SDK1: variants seen among roughly 807,000 people sequenced by gnomAD.
SDK1 encodes the protein sidekick cell adhesion molecule 1.
SDK1 carries 157 observed loss-of-function variants against 245.5 expected under a neutral mutation model. The observed-to-expected ratio is 0.64, with a 90% CI of 0.56 to 0.73. The LOEUF is 0.73. Ranked by LOEUF, SDK1 falls within the 30% of genes least tolerant of loss-of-function variation. The pLI is 0.00. For synonymous variants in SDK1, 1,647 were observed against 1,278.5 expected (o/e 1.29, Z -6.15); for missense variants, 3,583 against 3,002.3 (o/e 1.19, Z -4.52).
chr7:4,079,525 C>A lies in SDK1; in HGVS notation c.3265C>A (p.Gln1089Lys). 3 of 1,614,252 alleles carry A rather than the reference C, an allele frequency of 1.9e-6. No homozygotes were observed. The South Asian group carries it at 3.3e-5, about 18-fold the overall frequency. The part of the protein sequence containing the change: ...SNISPRSATL[Q>K]FRPGYDGKTS... ...CATCAGCCCTCGCTCCGCCACCCTT[C>A]AGTTCCGGCCAGGCTATGACGGGAA... Residue 1089 changes from glutamine to lysine, a missense_variant, in exon 22 of 45, where the codon CAG becomes AAG. By Grantham distance (53) the Gln-to-Lys change is moderately conservative. Transcript: ENST00000404826.
Position 4,208,605 on chromosome 7 carries a change from C to G in SDK1, c.5401+320C>G, listed in dbSNP as rs150356602. Among the ~76,000 whole-genome samples, 450 of 152,328 alleles carry G rather than the reference C, an allele frequency of 3.0e-3. 5 individuals carry two copies. Among genetic ancestry groups the G allele is most frequent in the African/African-American group, 0.01 (428 of 41,580 alleles). On this transcript the variant is annotated intron_variant, in intron 37 of 44. Coordinates refer to ENST00000404826, the MANE Select transcript of SDK1 (RefSeq NM_152744.4). ...GCAAGGCCTCGTTCATAACTGACAG[C>G]ATCCATTCCAGTTCCTCCAAGAAAT...
At chr7:3,338,415 T>C in intron 1 of SDK1, 1 of 528,274 alleles carries the variant, frequency 1.9e-6, no homozygotes, top group South Asian at 1.6e-5. Context: ...CATTAAGCAC[T>C]CTTAAGAGCC....
At chr7:4,034,387 A>G (rs1788063438) in intron 17 of SDK1, among the ~76,000 whole-genome samples, 1 of 152,276 alleles carries the variant, frequency 6.6e-6, no homozygotes, top group Admixed American at 6.5e-5. Flanking sequence ...TGATGCCAAT[A>G]TTGTGGTTAC....
intron 4 of SDK1, among the ~76,000 whole-genome samples, chr7:3,726,431 C>G (rs1779009878): frequency 6.6e-6 from 1 of 152,168 alleles, no homozygotes; most frequent in Non-Finnish European, 1.5e-5. Flanking sequence ...TTTTTGCAGT[C>G]TTATGGCAAA....
chr7:3,665,516 T>C (rs1351385888), intron 4 of SDK1, among the ~76,000 whole-genome samples: 1 of 152,208 alleles, frequency 6.6e-6, no homozygotes, highest in Non-Finnish European at 1.5e-5. Flanking sequence ...ACCACACATA[T>C]TGATGTTCAA....
At chr7:4,107,130 A>G (rs1282015216) in intron 22 of SDK1, among the ~76,000 whole-genome samples, 1 of 2,106 alleles carries the variant, frequency 4.7e-4, no homozygotes, top group Admixed American at 5.0e-3. Context: ...GAGGGTGGGG[A>G]GGGTGGGGAG....
intron 4 of SDK1, among the ~76,000 whole-genome samples, chr7:3,819,230 G>GTT (rs11315088): frequency 6.9e-6 from 1 of 145,032 alleles, no homozygotes. Flanking sequence ...GGCAGCAGCA[G>GTT]TTTTTTTTTT....
rs145189605 is a variant in SDK1, at chr7:3,498,876, A to G, written c.299-120204A>G. On this transcript the variant is annotated intron_variant, in intron 1 of 44. Transcript: ENST00000404826. ...TGGGCTCATCTGAAAGGCATTTCTT[A>G]TCCTGCTACATGACACTTTAGGGGA... Among the ~76,000 whole-genome samples, 658 of 152,120 alleles carry G rather than the reference A, an allele frequency of 4.3e-3. 3 individuals carry two copies. The highest frequency in any genetic ancestry group is 7.4e-3 in the Non-Finnish European group (500 of 68,004).
At chr7:4,132,219 C>T (rs563649324) in intron 27 of SDK1, 106 bp from the exon 28 acceptor site, 2 of 839,350 alleles carry the variant, frequency 2.4e-6, no homozygotes, top group East Asian at 2.7e-5. Flanking sequence ...ACAGTGTAGC[C>T]TGTGGTAGTT....
intron 30 of SDK1, among the ~76,000 whole-genome samples, chr7:4,151,131 A>T (rs528450078): frequency 1.1e-4 from 17 of 152,174 alleles, no homozygotes; most frequent in Non-Finnish European, 2.1e-4. Flanking sequence ...TCAAATGCAA[A>T]TCCTGACCAG....
intron 1 of SDK1, among the ~76,000 whole-genome samples, chr7:3,522,790 T>G (rs757216105): frequency 2.0e-5 from 3 of 152,084 alleles, no homozygotes; most frequent in Non-Finnish European, 2.9e-5. Flanking sequence ...AAAAACATGA[T>G]CTGGTTTTAA....
At chr7:3,760,527 A>G (rs1780067624) in intron 4 of SDK1, among the ~76,000 whole-genome samples, 2 of 152,246 alleles carry the variant, frequency 1.3e-5, no homozygotes, top group Admixed American at 1.3e-4. Context: ...TGTTTGCCAA[A>G]TAAATCTCTT....
rs1420876780 is a variant in SDK1 at position 3,947,144 on chromosome 7, T to C, written c.848-3779T>C. Reference sequence around the variant, plus strand: ...TTTACCATTGTAACTCTAAGATATATACATGAGCATGCATGCATGCACACA... The same window carrying C: ...TTTACCATTGTAACTCTAAGATATACACATGAGCATGCATGCATGCACACA... On this transcript the variant is annotated intron_variant, in intron 5 of 44. Coordinates refer to ENST00000404826, the MANE Select transcript of SDK1 (RefSeq NM_152744.4). Among the ~76,000 whole-genome samples, 3 of 152,290 alleles carry C rather than the reference T, an allele frequency of 2.0e-5. No individual in the cohort carries two copies. In the East Asian group the frequency reaches 5.8e-4, roughly 29 times the overall value.
In SDK1 at chr7:3,797,458, TACACACACACACACACACACAC is replaced by T. The variant is rs34376723; in HGVS notation, c.714-23976_714-23955del. On this transcript the variant is annotated intron_variant, in intron 4 of 44. Coordinates refer to ENST00000404826, the MANE Select transcript of SDK1 (RefSeq NM_152744.4). ...TGTACATGTACAAGAGGGGTGTGTA[TACACACACACACACACACACAC>T]ACACACACACACACAGTTTTTATTG... is the stretch of plus-strand genomic sequence containing the variant. Among the ~76,000 whole-genome samples the T allele has an allele frequency of 1.6e-4, 24 of 147,598 alleles. No homozygotes were observed. The South Asian group carries it at 2.4e-3, about 15-fold the overall frequency.
chr7:3,968,201 C>T (rs112421321), intron 10 of SDK1, among the ~76,000 whole-genome samples: 2,392 of 152,286 alleles, frequency 0.016, 71 homozygotes, highest in African/African-American at 0.054. Flanking sequence ...CACATCGTTC[C>T]GTGCCTTCTG....
intron 22 of SDK1, among the ~76,000 whole-genome samples, chr7:4,092,807 C>G (rs1482113262): frequency 6.6e-6 from 1 of 152,146 alleles, no homozygotes; most frequent in Non-Finnish European, 1.5e-5. Flanking sequence ...TCCTAACAGC[C>G]AAGCCCCGTC....
intron 1 of SDK1, among the ~76,000 whole-genome samples, chr7:3,499,324 T>G (rs183441410): frequency 3.3e-5 from 5 of 152,356 alleles, no homozygotes; most frequent in Admixed American, 1.3e-4. Flanking sequence ...ATAGAATTTA[T>G]TAACTGACCA....
intron 4 of SDK1, among the ~76,000 whole-genome samples, chr7:3,731,450 G>A (rs1779175647): frequency 6.6e-6 from 1 of 152,206 alleles, no homozygotes; most frequent in African/African-American, 2.4e-5. Flanking sequence ...TGAAATACAA[G>A]GAAGCCAGCT....
chr7:4,268,163 C>A lies in SDK1; in HGVS notation c.*2779C>A. The A allele has an allele frequency of 1.0e-6, 1 of 986,936 alleles. No homozygotes were observed. The highest frequency in any genetic ancestry group is 1.2e-6 in the Non-Finnish European group (1 of 830,882). The allele number at this position is 986,936 out of a possible 1,614,324, so 61.1% of individuals were successfully genotyped here. ...TGCGGATGCCTCATGACAGCAGTGG[C>A]TGAGTCTCCCCACCCACCCCCAACG... On this transcript the variant is annotated 3_prime_UTR_variant, in exon 45 of 45. Transcript: ENST00000404826.
Sources: gnomAD v4.1 joint callset for allele counts (sites outside exome capture counted in the v4.1 genomes callset) on GRCh38, gnomAD v4.1.1 for gene constraint, MANE v1.5 for transcripts, NCBI Gene and HGNC (gene_info 2026-07-23, HGNC 2026-07-21) for gene names.